Variants in HMCN1 observed in about 807,000 individuals in gnomAD.
HMCN1 encodes the protein hemicentin 1, also known as hemicentin-1.
In HMCN1, 321 loss-of-function variants were observed where a neutral mutation model predicts 625.9. The observed-to-expected ratio is 0.51, with a 90% CI of 0.47 to 0.56. HMCN1 has a LOEUF of 0.56. HMCN1 is among the 20% of genes least tolerant of loss of function. The pLI is 0.00. For missense variants in HMCN1, 6,588 were observed against 6,887.3 expected (o/e 0.96, Z 1.54); for synonymous variants, 2,425 against 2,417.6 (o/e 1.00, Z -0.09).
At chr1:185,955,064 A>G (rs952082609) in intron 11 of HMCN1, among the ~76,000 whole-genome samples, 5 of 152,036 alleles carry the variant, frequency 3.3e-5, no homozygotes, top group Non-Finnish European at 7.4e-5. Flanking sequence ...TCTGTCTCTC[A>G]TATCACTCCT....
chr1:186,059,428 C>T (rs532591905), intron 46 of HMCN1, among the ~76,000 whole-genome samples: 1 of 152,110 alleles, frequency 6.6e-6, no homozygotes, highest in South Asian at 2.1e-4. Context: ...AAGTGATGTG[C>T]TCTAGCTTGT....
rs770556720 is a variant in HMCN1, at chr1:186,137,906, C to T, written c.13858C>T (p.His4620Tyr). The T allele has an allele frequency of 7.4e-6, 12 of 1,614,088 alleles. No individual in the cohort carries two copies. Among genetic ancestry groups the T allele is most frequent in the South Asian group, 1.1e-5 (1 of 91,086 alleles). Reference sequence around the variant, plus strand: ...GACTTGCAATAATCCATCAGTTCAGCATGGTGGGCGGCCATGTGAAGGGAA... The same window carrying T: ...GACTTGCAATAATCCATCAGTTCAGTATGGTGGGCGGCCATGTGAAGGGAA... ...TRTCNNPSVQ[H>Y]GGRPCEGNAV... is the part of the protein sequence containing the mutation. Residue 4620 changes from histidine (H) to tyrosine (Y), a missense_variant, in exon 89 of 107, where the codon CAT becomes TAT. His to Tyr is a moderately conservative substitution (Grantham distance 83). Around this residue, in one of 3 missense-constraint regions of HMCN1, gnomAD observed 1,954 missense variants for 2,013.1 expected, o/e 0.97. Transcript: ENST00000271588.
At chr1:186,099,339 G>A (rs1043179618) in intron 68 of HMCN1, among the ~76,000 whole-genome samples, 1 of 152,066 alleles carries the variant, frequency 6.6e-6, no homozygotes, top group African/African-American at 2.4e-5. Context: ...GAGGTGCAGG[G>A]TGGGGTTGGG....
At chr1:185,895,374 T>C (rs1477340413) in intron 4 of HMCN1, among the ~76,000 whole-genome samples, 1 of 152,192 alleles carries the variant, frequency 6.6e-6, no homozygotes, top group Non-Finnish European at 1.5e-5. Flanking sequence ...CTGAGAGCAA[T>C]ACTGTAGTCA....
intron 22 of HMCN1, among the ~76,000 whole-genome samples, chr1:185,991,219 A>G (rs1190414920): frequency 6.6e-6 from 1 of 152,204 alleles, no homozygotes; most frequent in Non-Finnish European, 1.5e-5. Context: ...AGAATCATTG[A>G]TATATAATTA....
At chr1:185,895,937 TA>T (rs1665462145) in intron 4 of HMCN1, among the ~76,000 whole-genome samples, 2 of 144,874 alleles carry the variant, frequency 1.4e-5, no homozygotes, top group African/African-American at 5.8e-5. Context: ...TAGTCTCATT[TA>T]ATAATTTTTT....
chr1:186,166,068 A>G, intron 98 of HMCN1, 116 bp from the exon 99 acceptor site: 3 of 1,085,766 alleles, frequency 2.8e-6, no homozygotes, highest in Non-Finnish European at 4.1e-6. Context: ...AGCATTTTCT[A>G]TTATATTTGA....
At chr1:186,145,008 C>G (rs1172387250) in intron 91 of HMCN1, among the ~76,000 whole-genome samples, 1 of 152,236 alleles carries the variant, frequency 6.6e-6, no homozygotes, top group Non-Finnish European at 1.5e-5. Context: ...GCAGGCAGCT[C>G]TCTGCCTTAG....
chr1:186,029,074 T>A (rs1295744196), intron 36 of HMCN1, among the ~76,000 whole-genome samples: 1 of 152,026 alleles, frequency 6.6e-6, no homozygotes, highest in African/African-American at 2.4e-5. Flanking sequence ...CTTGAGGACA[T>A]CTGAAAAAAT....
chr1:185,888,546 C>A (rs1167016635), intron 4 of HMCN1, among the ~76,000 whole-genome samples: 1 of 144,422 alleles, frequency 6.9e-6, no homozygotes, highest in Non-Finnish European at 1.5e-5. Context: ...GTTTTCCCAG[C>A]ACCATTTATT....
At chr1:186,069,813 C>T (rs1249234482) in intron 51 of HMCN1, 37 bp downstream of exon 51, 1 of 1,389,832 alleles carries the variant, frequency 7.2e-7, no homozygotes, top group Non-Finnish European at 1.0e-6. Flanking sequence ...CATAGCTTCC[C>T]CAATTTTTCT....
chr1:185,775,428 A>G (rs949620325), intron 1 of HMCN1, among the ~76,000 whole-genome samples: 1 of 152,292 alleles, frequency 6.6e-6, no homozygotes, highest in Admixed American at 6.5e-5. Flanking sequence ...AAAGAAAAAA[A>G]TGGAATGAGT....
intron 1 of HMCN1, among the ~76,000 whole-genome samples, chr1:185,763,164 G>A (rs1307220571): frequency 6.6e-6 from 1 of 152,058 alleles, no homozygotes; most frequent in African/African-American, 2.4e-5. Flanking sequence ...AAAATGTGAG[G>A]GAGAGCTGAT....
intron 1 of HMCN1, among the ~76,000 whole-genome samples, chr1:185,820,044 A>G (rs1660091683): frequency 6.6e-6 from 1 of 152,212 alleles, no homozygotes; most frequent in South Asian, 2.1e-4. Context: ...ATAAGGGGGC[A>G]AAAGGTTTGG....
At chr1:186,042,500 T>C (rs1238202294) in intron 40 of HMCN1, among the ~76,000 whole-genome samples, 1 of 152,118 alleles carries the variant, frequency 6.6e-6, no homozygotes. Context: ...ACCTGGGAGA[T>C]GATAAAAGAG....
intron 97 of HMCN1, among the ~76,000 whole-genome samples, chr1:186,161,876 T>A (rs983226716): frequency 1.1e-4 from 16 of 152,192 alleles, no homozygotes; most frequent in Non-Finnish European, 2.4e-4. Flanking sequence ...TTTCAACTGG[T>A]GAATCTGACA....
intron 6 of HMCN1, among the ~76,000 whole-genome samples, chr1:185,918,003 T>C (rs906747249): frequency 5.9e-5 from 9 of 152,206 alleles, no homozygotes; most frequent in African/African-American, 2.2e-4. Flanking sequence ...TTTACAACTT[T>C]AGGATACCAA....
chr1:186,093,434 G>A lies in HMCN1; in HGVS notation c.10013-52G>A, dbSNP rs1413197736. ...ATTGTAGTAGAAATTATTTGAACTA[G>A]TATTACATAATACATCCCTCTTCCC... On this transcript the variant is annotated intron_variant, in intron 65 of 106. Coordinates refer to ENST00000271588, the MANE Select transcript of HMCN1 (RefSeq NM_031935.3). 2.5e-6 allele frequency: 4 copies of A among 1,592,144 alleles called. No individual in the cohort carries two copies. In the East Asian group the frequency reaches 8.9e-5, roughly 36 times the overall value.
rs145423924 is a variant in HMCN1 at position 186,041,177 on chromosome 1, T to C, written c.6304+41T>C. 114 of 1,573,658 alleles carry C rather than the reference T, an allele frequency of 7.2e-5. 1 individual carries two copies. The East Asian group carries it at 2.5e-3, about 34-fold the overall frequency. On this transcript the variant is annotated intron_variant, in intron 40 of 106. Transcript: ENST00000271588. The stretch of plus-strand genomic sequence containing the variant: ...AATTAATTCTCTTCTGGTAGAGATA[T>C]GTTTGGGTCCTAAAATCATTGAGAA...
Sources: allele counts gnomAD v4.1 joint callset (sites outside exome capture counted in the v4.1 genomes callset), GRCh38; gene constraint gnomAD v4.1.1; regional missense constraint gnomAD v4.1.1; transcripts MANE v1.5; gene names NCBI Gene and HGNC (gene_info 2026-07-23, HGNC 2026-07-21).